The following DENND1A variants were observed in gnomAD, a reference collection of about 807,000 sequenced individuals.
DENND1A encodes the protein DENN domain-containing protein 1A.
Under a neutral mutation model 113.7 loss-of-function variants are expected in DENND1A, and 51 were observed. The ratio of observed to expected loss-of-function variants is 0.45; its 90% CI spans 0.36 to 0.57. DENND1A has a LOEUF of 0.57. Among genes scored for constraint, DENND1A ranks in the 20% least tolerant of loss-of-function variants. The pLI, the probability that DENND1A is intolerant of heterozygous loss-of-function variation, is 0.00. For synonymous variants in DENND1A, 565 were observed against 570.8 expected (o/e 0.99, Z 0.14); for missense variants, 1,258 against 1,395.9 (o/e 0.90, Z 1.57).
intron 10 of DENND1A, among the ~76,000 whole-genome samples, chr9:123,615,357 T>C (rs1361872947): frequency 6.6e-6 from 1 of 152,240 alleles, no homozygotes; most frequent in Non-Finnish European, 1.5e-5. Flanking sequence ...AAGCCCATGA[T>C]ACGGGGATCA....
intron 1 of DENND1A, among the ~76,000 whole-genome samples, chr9:123,885,438 A>T (rs185778293): frequency 1.4e-4 from 22 of 152,314 alleles, no homozygotes; most frequent in Non-Finnish European, 2.9e-4. Flanking sequence ...TTCCTCCAAC[A>T]TCTGACACGT....
At chr9:123,516,244 G>A (rs2053901286) in intron 13 of DENND1A, among the ~76,000 whole-genome samples, 1 of 152,034 alleles carries the variant, frequency 6.6e-6, no homozygotes, top group South Asian at 2.1e-4. Flanking sequence ...TGGGTACATG[G>A]GGGGTGTGTA....
intron 13 of DENND1A, among the ~76,000 whole-genome samples, chr9:123,554,152 C>G (rs2057290013): frequency 6.6e-6 from 1 of 152,214 alleles, no homozygotes; most frequent in Non-Finnish European, 1.5e-5. Flanking sequence ...CCATCCTCCC[C>G]CCGATGCAGC....
At chr9:123,802,038 A>G (rs1834758043) in intron 2 of DENND1A, among the ~76,000 whole-genome samples, 1 of 152,148 alleles carries the variant, frequency 6.6e-6, no homozygotes, top group African/African-American at 2.4e-5. Flanking sequence ...AGTACACTGA[A>G]TTTTTAATGA....
chr9:123,680,854 G>A (rs1328463974), intron 5 of DENND1A, among the ~76,000 whole-genome samples: 1 of 152,230 alleles, frequency 6.6e-6, no homozygotes, highest in Non-Finnish European at 1.5e-5. Context: ...GTATGGAAGA[G>A]AGCAGGGGAC....
intron 5 of DENND1A, among the ~76,000 whole-genome samples, chr9:123,708,867 C>G (rs1416399702): frequency 6.6e-6 from 1 of 152,210 alleles, no homozygotes; most frequent in Non-Finnish European, 1.5e-5. Flanking sequence ...TAAGAAAACA[C>G]CACTTGATTT....
chr9:123,749,650 G>A (rs1363688282), intron 5 of DENND1A, among the ~76,000 whole-genome samples: 1 of 152,174 alleles, frequency 6.6e-6, no homozygotes, highest in Non-Finnish European at 1.5e-5. Flanking sequence ...CCTCTGTAGT[G>A]AGTTATCCAG....
Position 123,440,393 on chromosome 9 carries a change from T to G in DENND1A, c.1455A>C (p.Glu485Asp). The G allele has an allele frequency of 6.2e-7, 1 of 1,600,588 alleles. No individual in the cohort carries two copies. Among genetic ancestry groups the G allele is most frequent in the Non-Finnish European group, 8.5e-7 (1 of 1,174,730 alleles). ...LVEAKDPKLR[E>D]DRRPITVHFG... ...AGTGGACTGTGATTGGCCGCCGGTC[T>G]TCTCGGAGCTTGGGGTCCTTGGCCT... Residue 485 changes from glutamate to aspartate, a missense_variant, in exon 19 of 24, where the codon GAA (glutamate) becomes GAC (aspartate). Glu to Asp is a conservative substitution (Grantham distance 45, BLOSUM62 2). Coordinates refer to ENST00000394215, the MANE Select transcript of DENND1A (RefSeq NM_001352964.2).
At chr9:123,596,693 C>A (rs938878565) in intron 11 of DENND1A, among the ~76,000 whole-genome samples, 1 of 152,182 alleles carries the variant, frequency 6.6e-6, no homozygotes, top group Non-Finnish European at 1.5e-5. Context: ...TTGTGACCTC[C>A]ATGTATAGAC....
intron 10 of DENND1A, among the ~76,000 whole-genome samples, chr9:123,627,881 C>A (rs1589417505): frequency 6.6e-6 from 1 of 152,146 alleles, no homozygotes; most frequent in Non-Finnish European, 1.5e-5. Context: ...ACACAGGTGT[C>A]ACCCTGCTGG....
intron 12 of DENND1A, among the ~76,000 whole-genome samples, chr9:123,566,448 C>A (rs1297802568): frequency 6.6e-6 from 1 of 152,152 alleles, no homozygotes; most frequent in Non-Finnish European, 1.5e-5. Flanking sequence ...CCTCCCTCTC[C>A]CCTGACAACT....
rs200372771 is a variant in DENND1A at position 123,619,405 on chromosome 9, C to CATTG, written c.720-9928_720-9925dup. Among the ~76,000 whole-genome samples, 1,130 of 151,402 alleles carry CATTG rather than the reference C, an allele frequency of 7.5e-3. 18 individuals carry two copies. Among genetic ancestry groups the CATTG allele is most frequent in the African/African-American group, 0.026 (1,076 of 41,278 alleles). On this transcript the variant is annotated intron_variant, in intron 10 of 23. Transcript: ENST00000394215. ...TACAAACCACTGATCTGTATACATA[C>CATTG]ATTGATTGACTGATTGATTGATTGA...
At chr9:123,494,891 A>C (rs1181835715) in intron 13 of DENND1A, among the ~76,000 whole-genome samples, 2 of 152,020 alleles carry the variant, frequency 1.3e-5, no homozygotes, top group Admixed American at 1.3e-4. Flanking sequence ...TCCCGGGTTG[A>C]AGCGATTCTC....
rs540157091 is a variant in DENND1A at position 123,387,625 on chromosome 9, C to T, written c.1760+105G>A. The T allele has an allele frequency of 1.2e-5, 15 of 1,220,322 alleles. No homozygotes were observed. The East Asian group carries it at 6.9e-4, about 56-fold the overall frequency. 75.6% of individuals were successfully genotyped at this position (1,220,322 alleles called of 1,614,324 possible). A position where few individuals can be genotyped will look rare whatever the true frequency, so the allele number is the denominator to read the frequency against. On this transcript the variant is annotated intron_variant, in intron 22 of 23. Coordinates refer to ENST00000394215, the MANE Select transcript of DENND1A (RefSeq NM_001352964.2). Reference sequence around the variant, plus strand: ...CCGGCAGGCAGCAGCTCCAGACACCCTCCCCCCGACACAAAGGCAAGCAGC... The same window carrying T: ...CCGGCAGGCAGCAGCTCCAGACACCTTCCCCCCGACACAAAGGCAAGCAGC...
intron 5 of DENND1A, among the ~76,000 whole-genome samples, chr9:123,708,671 TTTC>T (rs528288703): frequency 1.2e-4 from 18 of 152,300 alleles, no homozygotes; most frequent in East Asian, 1.9e-4. Flanking sequence ...TGTGGGGTTT[TTTC>T]TTCTTCTAGT....
At chr9:123,714,559 G>A (rs1329101999) in intron 5 of DENND1A, among the ~76,000 whole-genome samples, 2 of 152,112 alleles carry the variant, frequency 1.3e-5, no homozygotes, top group Admixed American at 1.3e-4. Flanking sequence ...CCAAGAACAT[G>A]CCACTGCACT....
chr9:123,754,236 C>G (rs1160895769), intron 5 of DENND1A, among the ~76,000 whole-genome samples: 1 of 152,166 alleles, frequency 6.6e-6, no homozygotes, highest in Non-Finnish European at 1.5e-5. Context: ...TAGACCCAAA[C>G]TGAGCTCTCA....
intron 13 of DENND1A, among the ~76,000 whole-genome samples, chr9:123,541,349 C>G (rs904959902): frequency 1.3e-5 from 2 of 152,150 alleles, no homozygotes; most frequent in Non-Finnish European, 2.9e-5. Flanking sequence ...ACCCCTACTT[C>G]TTTTGCATAA....
chr9:123,844,623 T>C (rs1006140548), intron 2 of DENND1A, among the ~76,000 whole-genome samples: 1 of 152,170 alleles, frequency 6.6e-6, no homozygotes, highest in Non-Finnish European at 1.5e-5. Context: ...CAACACAATA[T>C]TGTTAAGCTG....
Sources: allele counts gnomAD v4.1 joint callset (sites outside exome capture counted in the v4.1 genomes callset), GRCh38; gene constraint gnomAD v4.1.1; transcripts MANE v1.5; gene names NCBI Gene and HGNC (gene_info 2026-07-23, HGNC 2026-07-21).